Variants in IL1RAPL1 observed in about 807,000 individuals in gnomAD.
IL1RAPL1 encodes interleukin-1 receptor accessory protein-like 1.
Under a neutral mutation model 48.4 loss-of-function variants are expected in IL1RAPL1, and 3 were observed. The ratio of observed to expected loss-of-function variants is 0.06; its 90% CI spans 0.03 to 0.16. The LOEUF (loss-of-function observed/expected upper bound fraction) is 0.16. Ranked by LOEUF, IL1RAPL1 falls within the 10% of genes least tolerant of loss-of-function variation. IL1RAPL1 has a pLI of 1.00. For missense variants in IL1RAPL1, 349 were observed against 530.6 expected, an observed-to-expected ratio of 0.66 and a Z score of 3.36; for synonymous variants, 185 against 187.7, an observed-to-expected ratio of 0.99 and a Z score of 0.12.
At chrX:29,655,836 G>A (rs1041426518) in intron 5 of IL1RAPL1, among the ~76,000 whole-genome samples, 4 of 110,518 alleles carry the variant, frequency 3.6e-5, no homozygotes, top group African/African-American at 6.6e-5. Context: ...TAACGTAACC[G>A]CACACCCCAA....
At chrX:29,556,917 T>C (rs1350763938) in intron 5 of IL1RAPL1, among the ~76,000 whole-genome samples, 1 of 111,818 alleles carries the variant, frequency 8.9e-6, no homozygotes, top group African/African-American at 3.3e-5. Flanking sequence ...AACCTAACCC[T>C]TGATTCTGAT....
chrX:29,349,716 G>A (rs899147708), intron 3 of IL1RAPL1, among the ~76,000 whole-genome samples: 8 of 110,525 alleles, frequency 7.2e-5, no homozygotes, highest in African/African-American at 2.6e-4. Flanking sequence ...CTACCCTAGA[G>A]CATTTGCGGT....
At chrX:28,768,685 G>GTC (rs1201931623) in intron 1 of IL1RAPL1, among the ~76,000 whole-genome samples, 16 of 37,832 alleles carry the variant, frequency 4.2e-4, no homozygotes, top group Non-Finnish European at 8.7e-4. Flanking sequence ...GGCTCTCTCT[G>GTC]TCTCTCTCTC....
chrX:28,941,458 C>T (rs1321101576), intron 2 of IL1RAPL1, among the ~76,000 whole-genome samples: 2 of 111,117 alleles, frequency 1.8e-5, no homozygotes, highest in South Asian at 7.4e-4. Context: ...ACACTTTCAT[C>T]TAATCTAGCT....
At chrX:28,863,840 C>T (rs1922012180) in intron 2 of IL1RAPL1, among the ~76,000 whole-genome samples, 1 of 111,094 alleles carries the variant, frequency 9.0e-6, no homozygotes. Context: ...TTTCATTTGC[C>T]ATTCATATAT....
At chrX:28,775,399 T>C in intron 1 of IL1RAPL1, among the ~76,000 whole-genome samples, 1 of 112,064 alleles carries the variant, frequency 8.9e-6, no homozygotes, top group Non-Finnish European at 1.9e-5. Flanking sequence ...GCCTCCATTG[T>C]CATTTGGCCT....
chrX:29,325,901 T>C (rs774601865), intron 3 of IL1RAPL1, among the ~76,000 whole-genome samples: 4 of 109,651 alleles, frequency 3.6e-5, no homozygotes, highest in Non-Finnish European at 7.6e-5. Context: ...AGTGGGGAGG[T>C]GCCACAGTTT....
chrX:29,283,607 T>C (rs1422966763), intron 3 of IL1RAPL1, among the ~76,000 whole-genome samples: 5 of 112,329 alleles, frequency 4.5e-5, no homozygotes, highest in Non-Finnish European at 9.4e-5. Flanking sequence ...GCATGGATAC[T>C]TCTGGTTCAC....
chrX:29,334,028 T>C (rs867779540), intron 3 of IL1RAPL1, among the ~76,000 whole-genome samples: 271 of 24,069 alleles, frequency 0.011, 2 homozygotes, highest in African/African-American at 0.039. Context: ...GGGGGGCTGA[T>C]CCCCCCACCT....
intron 2 of IL1RAPL1, among the ~76,000 whole-genome samples, chrX:28,994,466 C>G (rs1602001203): frequency 1.8e-5 from 2 of 111,381 alleles, no homozygotes; most frequent in South Asian, 7.6e-4. Context: ...TTTGGGAGGT[C>G]ATTTTGGACC....
At chrX:29,925,256 CTT>C (rs1360016781) in intron 8 of IL1RAPL1, among the ~76,000 whole-genome samples, 2 of 109,691 alleles carry the variant, frequency 1.8e-5, no homozygotes, top group Non-Finnish European at 3.8e-5. Context: ...GAAATGGATA[CTT>C]TTACTGAGTC....
intron 6 of IL1RAPL1, among the ~76,000 whole-genome samples, chrX:29,753,767 C>G (rs1232446406): frequency 9.0e-6 from 1 of 111,489 alleles, no homozygotes; most frequent in Non-Finnish European, 1.9e-5. Flanking sequence ...GGGGAGAAAC[C>G]ATTTAGAATG....
intron 1 of IL1RAPL1, among the ~76,000 whole-genome samples, chrX:28,641,143 C>T (rs1417710952): frequency 1.8e-5 from 2 of 109,018 alleles, no homozygotes; most frequent in Non-Finnish European, 3.8e-5. Flanking sequence ...TATACACATG[C>T]CGTGGTGGTT....
chrX:29,241,544 G>A (rs150351507), intron 2 of IL1RAPL1, among the ~76,000 whole-genome samples: 24,058 of 110,355 alleles, frequency 0.22, 2,666 homozygotes, highest in Non-Finnish European at 0.33. Context: ...AAAAAGAGGG[G>A]ATGTGAGCAA....
At chrX:28,643,969 T>C (rs1290912164) in intron 1 of IL1RAPL1, among the ~76,000 whole-genome samples, 2 of 111,959 alleles carry the variant, frequency 1.8e-5, no homozygotes, top group African/African-American at 3.2e-5. Context: ...TCACTTTCTT[T>C]AGAATGCAAA....
chrX:28,831,026 C>CTCTCTCTCTCTCTG (rs1438889606), intron 2 of IL1RAPL1, among the ~76,000 whole-genome samples: 49 of 33,641 alleles, frequency 1.5e-3, no homozygotes, highest in African/African-American at 5.7e-3. Context: ...CTCTCTCTCT[C>CTCTCTCTCTCTCTG]TGTGTGTGTG....
At chrX:29,577,195 T>C (rs1922804351) in intron 5 of IL1RAPL1, among the ~76,000 whole-genome samples, 1 of 112,141 alleles carries the variant, frequency 8.9e-6, no homozygotes. Flanking sequence ...CGAGGGCACA[T>C]ATCTTTTGTC....
At chrX:28,598,433 C>T (rs1933981428) in intron 1 of IL1RAPL1, among the ~76,000 whole-genome samples, 1 of 110,871 alleles carries the variant, frequency 9.0e-6, no homozygotes, top group Non-Finnish European at 1.9e-5. Flanking sequence ...ATGTAGTAAG[C>T]TGGAAAATAG....
intron 3 of IL1RAPL1, among the ~76,000 whole-genome samples, chrX:29,299,020 C>G (rs776178823): frequency 3.8e-4 from 41 of 109,094 alleles, no homozygotes; most frequent in African/African-American, 1.3e-3. Flanking sequence ...TGGGCACCAT[C>G]TATTCAGCTG....
Sources: gnomAD v4.1 joint callset for allele counts (sites outside exome capture counted in the v4.1 genomes callset) on GRCh38, gnomAD v4.1.1 for gene constraint, MANE v1.5 for transcripts, NCBI Gene and HGNC (gene_info 2026-07-23, HGNC 2026-07-21) for gene names.